SLC20A2: variants seen among roughly 807,000 people sequenced by gnomAD.
The protein encoded by SLC20A2 is solute carrier family 20 member 2, also known as sodium-dependent phosphate transporter 2.
In SLC20A2, 30 loss-of-function variants were observed where a neutral mutation model predicts 61.0. That is an observed-to-expected ratio of 0.49 (90% CI 0.37 to 0.67). SLC20A2 has a LOEUF of 0.67. SLC20A2 is among the 30% of genes least tolerant of loss of function. The probability of loss-of-function intolerance (pLI) is 0.00; values close to 1 mark genes in which losing one functional copy is unlikely to be tolerated. For synonymous variants in SLC20A2, 351 were observed against 353.3 expected (o/e 0.99, Z 0.07); for missense variants, 626 against 866.4 (o/e 0.72, Z 3.48).
chr8:42,468,746 G>C (rs1807383742), intron 2 of SLC20A2, among the ~76,000 whole-genome samples: 2 of 152,124 alleles, frequency 1.3e-5, no homozygotes, highest in Admixed American at 1.3e-4. Flanking sequence ...CTGCCGGGCG[G>C]GGGTGGGGTG....
chr8:42,494,164 T>C (rs906541530), intron 1 of SLC20A2, among the ~76,000 whole-genome samples: 1 of 151,968 alleles, frequency 6.6e-6, no homozygotes, highest in Non-Finnish European at 1.5e-5. Context: ...TATGTGCTCA[T>C]AACAAATTTG....
At chr8:42,528,599 T>C (rs991052906) in intron 1 of SLC20A2, among the ~76,000 whole-genome samples, 9 of 152,342 alleles carry the variant, frequency 5.9e-5, no homozygotes, top group East Asian at 5.8e-4. Flanking sequence ...ATTAAAATCC[T>C]GGCTTAATCA....
At chr8:42,524,848 T>C (rs1811824069) in intron 1 of SLC20A2, among the ~76,000 whole-genome samples, 2 of 151,926 alleles carry the variant, frequency 1.3e-5, no homozygotes, top group South Asian at 2.1e-4. Context: ...AACAAGAAAT[T>C]CTGAGACTGA....
At chr8:42,451,728 AGAGGAGGAGGAAAAGATGGAG>A (rs1805683278) in intron 5 of SLC20A2, among the ~76,000 whole-genome samples, 2 of 90,390 alleles carry the variant, frequency 2.2e-5, no homozygotes, top group East Asian at 4.1e-4. Flanking sequence ...AAGAGATGAA[AGAGGAGGAGGAAAAGATGGAG>A]GAGGAGGAGG....
chr8:42,533,220 T>C (rs537608526), intron 1 of SLC20A2, among the ~76,000 whole-genome samples: 4 of 152,258 alleles, frequency 2.6e-5, no homozygotes, highest in African/African-American at 9.6e-5. Context: ...GAAGAAAAAA[T>C]TGTTGATGAG....
intron 2 of SLC20A2, among the ~76,000 whole-genome samples, chr8:42,467,784 G>A (rs374794399): frequency 6.7e-4 from 102 of 152,320 alleles, no homozygotes; most frequent in African/African-American, 1.9e-3. Context: ...AGGCCTACCC[G>A]CGGACACCTC....
intron 5 of SLC20A2, among the ~76,000 whole-genome samples, chr8:42,448,400 G>C (rs1435743921): frequency 6.6e-6 from 1 of 152,184 alleles, no homozygotes; most frequent in Non-Finnish European, 1.5e-5. Flanking sequence ...GCCCGAAAGA[G>C]AAGTCAAGAA....
At position 42,476,084 on chromosome 8, in the gene SLC20A2, CTTTTTTTTTTTTT is replaced by C. The variant is rs11350697; in HGVS notation, c.-264-3443_-264-3431del. ...GGTGAAGTAGCCGGGTTTACTGTGTCTTTTTTTTTTTTTTTTTTTTTTTTTTTTTTGACACGAA... is the reference window on the plus strand; with the variant it reads ...GGTGAAGTAGCCGGGTTTACTGTGTCTTTTTTTTTTTTTTTTTGACACGAA... On this transcript the variant is annotated intron_variant, in intron 1 of 10. Transcript: ENST00000520262. Among the ~76,000 whole-genome samples, 88 of 42,102 alleles carry C rather than the reference CTTTTTTTTTTTTT, an allele frequency of 2.1e-3. 1 individual carries two copies. Among genetic ancestry groups the C allele is most frequent in the East Asian group, 8.6e-3 (8 of 926 alleles). 27.6% of individuals were successfully genotyped at this position (42,102 alleles called of 152,430 possible). A position where few individuals can be genotyped will look rare whatever the true frequency, so the allele number is the denominator to read the frequency against.
At chr8:42,505,126 T>C (rs1275883462), upstream of SLC20A2, among the ~76,000 whole-genome samples, 1 of 149,312 alleles carries the variant, frequency 6.7e-6, no homozygotes, top group Non-Finnish European at 1.5e-5. Context: ...TTTTTTTAAT[T>C]GAGAAGATGT....
chr8:42,450,819 T>C (rs1805583876), intron 5 of SLC20A2, among the ~76,000 whole-genome samples: 1 of 152,218 alleles, frequency 6.6e-6, no homozygotes. Flanking sequence ...GCCATGAGCC[T>C]GGCTGGTACC....
chr8:42,494,721 A>C, intron 1 of SLC20A2, among the ~76,000 whole-genome samples: 1 of 152,348 alleles, frequency 6.6e-6, no homozygotes, highest in South Asian at 2.1e-4. Flanking sequence ...TATTTTATTC[A>C]ACTATTAGGT....
At chr8:42,477,011 G>T (rs1484410064) in intron 1 of SLC20A2, among the ~76,000 whole-genome samples, 1 of 152,218 alleles carries the variant, frequency 6.6e-6, no homozygotes, top group Non-Finnish European at 1.5e-5. Context: ...CTCAATGCCA[G>T]CAATCAATAT....
intron 10 of SLC20A2, among the ~76,000 whole-genome samples, 198 bp from the exon 11 acceptor site, chr8:42,418,165 T>C (rs1384777194): frequency 6.6e-6 from 1 of 152,150 alleles, no homozygotes; most frequent in Non-Finnish European, 1.5e-5. Flanking sequence ...GCTCTTTATA[T>C]AGTTGTTTTA....
At chr8:42,453,500 A>C (rs1181012596) in intron 5 of SLC20A2, among the ~76,000 whole-genome samples, 3 of 152,194 alleles carry the variant, frequency 2.0e-5, no homozygotes, top group Non-Finnish European at 2.9e-5. Context: ...TCAAAACAAA[A>C]CACCAAAAAC....
At chr8:42,509,957 A>G (rs189256067) in intron 1 of SLC20A2, among the ~76,000 whole-genome samples, 28 of 152,328 alleles carry the variant, frequency 1.8e-4, no homozygotes, top group African/African-American at 6.0e-4. Flanking sequence ...ATCTAAAATG[A>G]GAAACTCTGA....
upstream of SLC20A2, among the ~76,000 whole-genome samples, chr8:42,505,329 A>G (rs1413539894): frequency 1.3e-5 from 2 of 151,978 alleles, no homozygotes; most frequent in African/African-American, 4.8e-5. Context: ...GGCTGGTCTC[A>G]AGCTCATAAT....
chr8:42,531,689 A>C (rs1342812280), intron 1 of SLC20A2, among the ~76,000 whole-genome samples: 2 of 152,230 alleles, frequency 1.3e-5, no homozygotes, highest in East Asian at 3.8e-4. Flanking sequence ...ACAAGAAACG[A>C]AAAGGGTTGG....
intron 2 of SLC20A2, among the ~76,000 whole-genome samples, chr8:42,470,314 C>G (rs1807525959): frequency 6.6e-6 from 1 of 151,106 alleles, no homozygotes; most frequent in African/African-American, 2.4e-5. Flanking sequence ...ACCTCCTGGG[C>G]TCAAGCAATC....
In SLC20A2 at chr8:42,465,839, A is replaced by G; in HGVS notation, c.368T>C (p.Ile123Thr). Reference protein sequence around the residue: ...SGTHCIVGSTIGFSLVAIGTK... With the variant: ...SGTHCIVGSTTGFSLVAIGTK... Reference sequence around the variant, plus strand: ...ACCGATTGCGACCAGTGAGAATCCTATAGTAGAACCCACAATGCAGTGCGT... The same window carrying G: ...ACCGATTGCGACCAGTGAGAATCCTGTAGTAGAACCCACAATGCAGTGCGT... The change falls in exon 3 of 11, where the codon ATA becomes ACA. Residue 123 changes from isoleucine to threonine, a missense_variant. Physicochemically the swap from Ile to Thr is moderately conservative, Grantham distance 89. Transcript: ENST00000520262. 1 of 1,614,100 alleles carries G rather than the reference A, an allele frequency of 6.2e-7. No individual in the cohort carries two copies. The highest frequency in any genetic ancestry group is 8.5e-7 in the Non-Finnish European group (1 of 1,179,990).
Sources: allele counts gnomAD v4.1 joint callset (sites outside exome capture counted in the v4.1 genomes callset), GRCh38; gene constraint gnomAD v4.1.1; transcripts MANE v1.5; gene names NCBI Gene and HGNC (gene_info 2026-07-23, HGNC 2026-07-21).